Variants in SYNRG observed in about 807,000 individuals in gnomAD.
SYNRG encodes synergin gamma.
Under a neutral mutation model 130.9 loss-of-function variants are expected in SYNRG, and 37 were observed. That is an observed-to-expected ratio of 0.28 (90% CI 0.22 to 0.37). The LOEUF is 0.37. SYNRG is among the 10% of genes least tolerant of loss of function. SYNRG has a pLI of 1.00. For missense variants in SYNRG, 1,338 were observed against 1,588.9 expected (o/e 0.84, Z 2.68); for synonymous variants, 539 against 568.1 (o/e 0.95, Z 0.73).
At chr17:37,597,458 A>G (rs569638732) in intron 2 of SYNRG, among the ~76,000 whole-genome samples, 1 of 152,374 alleles carries the variant, frequency 6.6e-6, no homozygotes, top group East Asian at 1.9e-4. Context: ...CTGGGAGCCA[A>G]CTAGAAATGA....
At chr17:37,558,369 T>C (rs913837185) in intron 13 of SYNRG, among the ~76,000 whole-genome samples, 2 of 152,186 alleles carry the variant, frequency 1.3e-5, no homozygotes, top group African/African-American at 4.8e-5. Context: ...TACGTAAAGA[T>C]AGAATGTGGT....
intron 3 of SYNRG, among the ~76,000 whole-genome samples, chr17:37,591,214 G>A (rs749240410): frequency 1.3e-5 from 2 of 151,994 alleles, no homozygotes; most frequent in Admixed American, 6.6e-5. Flanking sequence ...TTTAAAAAAC[G>A]CCATTATAAT....
chr17:37,535,982 G>C lies in SYNRG; in HGVS notation c.3663C>G (p.Leu1221=). The C allele has an allele frequency of 6.2e-7, 1 of 1,613,814 alleles. No individual in the cohort carries two copies. The highest frequency in any genetic ancestry group is 1.7e-5 in the Admixed American group (1 of 60,026). The part of the protein sequence containing the change: ...NLIGFMSLAT[L]TPDENSLDFS... ...CTGAGTTGTCTCATGGGCTTACTGT[G>C]AGTGTGGCGAGTGACATGAAGCCGA... Residue 1221 remains leucine (L), a synonymous_variant, in exon 19 of 22, where the codon CTC becomes CTG. Coordinates refer to ENST00000612223, the MANE Select transcript of SYNRG (RefSeq NM_007247.6).
intron 2 of SYNRG, among the ~76,000 whole-genome samples, chr17:37,597,865 G>A (rs1019679759): frequency 1.3e-5 from 2 of 152,200 alleles, no homozygotes; most frequent in African/African-American, 2.4e-5. Context: ...CTACATCTAT[G>A]TTGGTTCTAC....
intron 14 of SYNRG, among the ~76,000 whole-genome samples, chr17:37,550,087 T>C (rs2058598398): frequency 6.6e-6 from 1 of 152,314 alleles, no homozygotes; most frequent in South Asian, 2.1e-4. Context: ...TAGTTAACTC[T>C]TTCCACAACA....
In SYNRG at chr17:37,516,091, G is replaced by A. The variant is rs1338958171; in HGVS notation, c.*2849C>T. The A allele has an allele frequency of 1.3e-5, 2 of 152,016 alleles. No individual in the cohort carries two copies. The highest frequency in any genetic ancestry group is 2.9e-5 in the Non-Finnish European group (2 of 68,022). 9.4% of individuals were successfully genotyped at this position (152,016 alleles called of 1,614,324 possible). A position where few individuals can be genotyped will look rare whatever the true frequency, so the allele number is the denominator to read the frequency against. On this transcript the variant is annotated 3_prime_UTR_variant, in exon 22 of 22. Coordinates refer to ENST00000612223, the MANE Select transcript of SYNRG (RefSeq NM_007247.6). ...CACACTAAGCCATAAAAATTTTAAA[G>A]GCAAAACATCCCACCAAAAAAAGAA...
intron 10 of SYNRG, 86 bp from the exon 11 acceptor site, chr17:37,569,010 C>G: frequency 2.0e-6 from 3 of 1,465,296 alleles, no homozygotes; most frequent in Non-Finnish European, 2.8e-6. Flanking sequence ...CAAAGACTGC[C>G]TTTAAAATTT....
In SYNRG at chr17:37,542,525, A is replaced by G; in HGVS notation, c.2649T>C (p.Ser883=). The G allele has an allele frequency of 6.2e-7, 1 of 1,612,842 alleles. No homozygotes were observed. The highest frequency in any genetic ancestry group is 8.5e-7 in the Non-Finnish European group (1 of 1,179,942). ...DLKYAAFGSY[S]SNFAVSTLTS... ...TAAGTGTGCTCACTGCAAAATTGCT[A>G]CTGTAGCTTCCAAAAGCAGCATATT... Residue 883 remains serine (S), a synonymous_variant, in exon 15 of 22, where the codon AGT becomes AGC. Coordinates refer to ENST00000612223, the MANE Select transcript of SYNRG (RefSeq NM_007247.6).
In SYNRG at chr17:37,520,540, G is replaced by A. The variant is rs866535611; in HGVS notation, c.3775C>T (p.Arg1259Trp). 5.0e-6 allele frequency: 8 copies of A among 1,613,872 alleles called. No individual in the cohort carries two copies. Among genetic ancestry groups the A allele is most frequent in the African/African-American group, 2.7e-5 (2 of 74,850 alleles). The change falls in exon 20 of 22, where the codon CGG becomes TGG. Residue 1259 changes from arginine to tryptophan, a missense_variant and splice_region_variant. Arg to Trp is a moderately radical substitution (Grantham distance 101, BLOSUM62 -3). This residue lies in a region of SYNRG where 1,146 missense variants were observed against 1,342.3 expected (regional missense o/e 0.85). Coordinates refer to ENST00000612223, the MANE Select transcript of SYNRG (RefSeq NM_007247.6). ...VCLLNVDSRSRKEEKPAEEHP... is the reference protein window; with the variant it reads ...VCLLNVDSRSWKEEKPAEEHP... ...TGCAAGGAGGCTGCGTGACTTACCC[G>A]GCTCCTCGAGTCCACATTCAAGAGG...
At chr17:37,546,525 T>G (rs1035996305) in intron 14 of SYNRG, among the ~76,000 whole-genome samples, 1 of 152,260 alleles carries the variant, frequency 6.6e-6, no homozygotes, top group Non-Finnish European at 1.5e-5. Context: ...TTCTTGCTTA[T>G]GCTGGCAAGT....
intron 19 of SYNRG, among the ~76,000 whole-genome samples, chr17:37,524,579 T>C (rs1598056711): frequency 6.6e-6 from 1 of 152,272 alleles, no homozygotes; most frequent in East Asian, 1.9e-4. Context: ...TCATAGGATA[T>C]TTTTTCTTTT....
At chr17:37,570,315 C>A (rs1249158459) in intron 10 of SYNRG, among the ~76,000 whole-genome samples, 1 of 152,044 alleles carries the variant, frequency 6.6e-6, no homozygotes, top group Non-Finnish European at 1.5e-5. Flanking sequence ...TCATGCCCAG[C>A]TCAACATGTA....
At chr17:37,590,896 G>A (rs1413462254) in intron 3 of SYNRG, among the ~76,000 whole-genome samples, 2 of 152,148 alleles carry the variant, frequency 1.3e-5, no homozygotes, top group Non-Finnish European at 2.9e-5. Flanking sequence ...CTCCAAGCCT[G>A]GGCGACAGAG....
intron 2 of SYNRG, among the ~76,000 whole-genome samples, chr17:37,597,200 T>C (rs919968500): frequency 2.8e-4 from 43 of 152,096 alleles, no homozygotes; most frequent in African/African-American, 1.0e-3. Flanking sequence ...CAGCATGAAT[T>C]TGCCATCTAT....
intron 14 of SYNRG, 69 bp from the exon 15 acceptor site, chr17:37,542,634 A>G: frequency 1.7e-6 from 2 of 1,156,364 alleles, no homozygotes; most frequent in South Asian, 1.4e-5. Context: ...ACTCTGTAGA[A>G]GCAAAATGCC....
At chr17:37,594,014 T>C (rs1228488712) in intron 3 of SYNRG, among the ~76,000 whole-genome samples, 3 of 151,978 alleles carry the variant, frequency 2.0e-5, no homozygotes, top group African/African-American at 7.2e-5. Context: ...TTCAGGGACA[T>C]TATTAAGGTA....
At chr17:37,585,234 G>A (rs1278780077) in intron 5 of SYNRG, 91 bp downstream of exon 5, 8 of 987,764 alleles carry the variant, frequency 8.1e-6, no homozygotes, top group African/African-American at 1.6e-5. Context: ...AGCTTGGGCT[G>A]GTGCCCCAGT....
At chr17:37,606,120 G>A (rs2063724682) in intron 1 of SYNRG, 3 of 583,416 alleles carry the variant, frequency 5.1e-6, no homozygotes, top group Non-Finnish European at 6.5e-6. Flanking sequence ...CTCTAGTTTG[G>A]GCACAACTCT....
intron 3 of SYNRG, among the ~76,000 whole-genome samples, chr17:37,592,888 G>C (rs1568513496): frequency 6.6e-6 from 1 of 152,110 alleles, no homozygotes; most frequent in Non-Finnish European, 1.5e-5. Flanking sequence ...ATTTCTACAA[G>C]TTTTACCAAT....
Sources: allele counts gnomAD v4.1 joint callset (sites outside exome capture counted in the v4.1 genomes callset), GRCh38; gene constraint gnomAD v4.1.1; regional missense constraint gnomAD v4.1.1; transcripts MANE v1.5; gene names NCBI Gene and HGNC (gene_info 2026-07-23, HGNC 2026-07-21).